Variants in ACOXL observed in about 807,000 individuals in gnomAD.
ACOXL encodes the protein acyl-CoA oxidase like.
In ACOXL, 70 loss-of-function variants were observed where a neutral mutation model predicts 71.9. The observed-to-expected ratio is 0.97, with a 90% confidence interval of 0.80 to 1.19. The LOEUF is 1.19. Among genes scored for constraint, ACOXL ranks in the 50% most tolerant of loss-of-function variants. The pLI, the probability that ACOXL is intolerant of heterozygous loss-of-function variation, is 0.00. For missense variants in ACOXL, 703 were observed against 736.3 expected (o/e 0.95, Z 0.52); for synonymous variants, 253 against 281.6 (o/e 0.90, Z 1.02).
At chr2:110,864,747 T>G (rs1313456270) in intron 10 of ACOXL, among the ~76,000 whole-genome samples, 1 of 152,246 alleles carries the variant, frequency 6.6e-6, no homozygotes, top group Non-Finnish European at 1.5e-5. Context: ...AGGCTTTCAC[T>G]AACTGTAATA....
chr2:110,804,877 G>T (rs1686437982), intron 8 of ACOXL, among the ~76,000 whole-genome samples: 1 of 152,126 alleles, frequency 6.6e-6, no homozygotes, highest in Non-Finnish European at 1.5e-5. Flanking sequence ...TTCTTTTTGG[G>T]GTGGTGAAAT....
chr2:110,840,590 T>C (rs1015952941), intron 9 of ACOXL, among the ~76,000 whole-genome samples: 2 of 152,230 alleles, frequency 1.3e-5, no homozygotes, highest in African/African-American at 2.4e-5. Context: ...CTTGACTGGC[T>C]GGCCTGACCC....
chr2:110,888,384 G>C (rs1697566989), intron 10 of ACOXL, among the ~76,000 whole-genome samples: 1 of 152,152 alleles, frequency 6.6e-6, no homozygotes. Context: ...ATTATTTACT[G>C]CTGTACCCCG....
intron 16 of ACOXL, among the ~76,000 whole-genome samples, chr2:111,066,292 C>T (rs2149904352): frequency 6.6e-6 from 1 of 152,210 alleles, no homozygotes; most frequent in Middle Eastern, 3.4e-3. Flanking sequence ...AGGTTACATA[C>T]CATGATTCCG....
At chr2:110,910,599 C>T (rs1254651439) in intron 11 of ACOXL, among the ~76,000 whole-genome samples, 1 of 152,140 alleles carries the variant, frequency 6.6e-6, no homozygotes, top group African/African-American at 2.4e-5. Context: ...TGTTCTTCAT[C>T]CTGACCAACA....
At chr2:110,773,822 A>G (rs922846834) in intron 2 of ACOXL, among the ~76,000 whole-genome samples, 1 of 152,212 alleles carries the variant, frequency 6.6e-6, no homozygotes, top group South Asian at 2.1e-4. Context: ...CGCCTGGGAT[A>G]TCTTGGAGGA....
chr2:110,806,725 G>A (rs1279867558), intron 9 of ACOXL, among the ~76,000 whole-genome samples: 3 of 152,162 alleles, frequency 2.0e-5, no homozygotes, highest in Admixed American at 2.0e-4. Context: ...AGTGCTGGGC[G>A]CATATAAAAA....
At chr2:110,807,143 C>A (rs1293505594) in intron 9 of ACOXL, among the ~76,000 whole-genome samples, 1 of 152,234 alleles carries the variant, frequency 6.6e-6, no homozygotes, top group South Asian at 2.1e-4. Flanking sequence ...TCATTCCCGG[C>A]AACACGGAGA....
intron 16 of ACOXL, among the ~76,000 whole-genome samples, chr2:111,089,015 T>G (rs759887810): frequency 2.0e-5 from 3 of 152,110 alleles, no homozygotes; most frequent in South Asian, 2.1e-4. Context: ...AAGAGAAAAT[T>G]TGGACCCAGG....
chr2:110,989,464 C>A (rs1212585886), intron 13 of ACOXL, among the ~76,000 whole-genome samples: 1 of 152,026 alleles, frequency 6.6e-6, no homozygotes, highest in African/African-American at 2.4e-5. Flanking sequence ...GAATCTTTGG[C>A]CATTTCATGT....
chr2:111,090,561 A>C (rs2068468371), intron 16 of ACOXL, among the ~76,000 whole-genome samples: 1 of 152,220 alleles, frequency 6.6e-6, no homozygotes, highest in Admixed American at 6.5e-5. Context: ...CCTGAGAATC[A>C]GGTACACAAA....
intron 17 of ACOXL, among the ~76,000 whole-genome samples, chr2:111,113,391 A>T (rs2070127456): frequency 6.6e-6 from 1 of 152,232 alleles, no homozygotes; most frequent in East Asian, 1.9e-4. Flanking sequence ...AGGAAATGTC[A>T]GCATGGGGCA....
At chr2:110,742,075 G>A (rs61124407) in intron 1 of ACOXL, among the ~76,000 whole-genome samples, 5,803 of 152,304 alleles carry the variant, frequency 0.038, 151 homozygotes, top group African/African-American at 0.056. Flanking sequence ...GAAACAGCAC[G>A]GTGAGGAGAG....
chr2:110,908,112 C>G (rs1372298001), intron 10 of ACOXL, among the ~76,000 whole-genome samples: 1 of 152,250 alleles, frequency 6.6e-6, no homozygotes, highest in Non-Finnish European at 1.5e-5. Context: ...TCTTTGCAAT[C>G]TACAACTATG....
rs115959045 is a variant in ACOXL, at chr2:110,908,977, G to A, written c.905+72G>A. 4.4e-4 allele frequency: 492 copies of A among 1,116,438 alleles called. 2 individuals are homozygous for A. In the African/African-American group the frequency reaches 7.1e-3, roughly 16 times the overall value. The allele number at this position is 1,116,438 out of a possible 1,614,324, so 69.2% of individuals were successfully genotyped here. ...CTGGCATGAGTAAGAATTCAGAGCA[G>A]CAGGCACAGGATGTCATTTTCTAAC... On this transcript the variant is annotated intron_variant, in intron 11 of 17. Transcript: ENST00000439055.
At chr2:110,796,570 C>T (rs891660421) in intron 5 of ACOXL, among the ~76,000 whole-genome samples, 1 of 152,216 alleles carries the variant, frequency 6.6e-6, no homozygotes, top group Non-Finnish European at 1.5e-5. Context: ...CCCTTCCCCA[C>T]CCCACCAGAT....
intron 10 of ACOXL, among the ~76,000 whole-genome samples, chr2:110,870,822 G>A (rs997493316): frequency 2.6e-5 from 4 of 152,140 alleles, no homozygotes; most frequent in African/African-American, 9.7e-5. Flanking sequence ...TTGGCTCCCT[G>A]GAAATGGTGG....
intron 1 of ACOXL, among the ~76,000 whole-genome samples, chr2:110,741,820 G>A (rs917264751): frequency 6.6e-6 from 1 of 152,176 alleles, no homozygotes; most frequent in Admixed American, 6.5e-5. Context: ...GCTTTTGCAC[G>A]CAAGCACTCA....
At chr2:110,845,078 A>G (rs992482926) in intron 10 of ACOXL, among the ~76,000 whole-genome samples, 24 of 152,256 alleles carry the variant, frequency 1.6e-4, no homozygotes, top group African/African-American at 5.8e-4. Flanking sequence ...TTGTGCTGCT[A>G]TAACAAAATA....
Sources: allele counts gnomAD v4.1 joint callset (sites outside exome capture counted in the v4.1 genomes callset), GRCh38; gene constraint gnomAD v4.1.1; transcripts MANE v1.5; gene names NCBI Gene and HGNC (gene_info 2026-07-23, HGNC 2026-07-21).